NAV3: variants seen among roughly 807,000 people sequenced by gnomAD.
NAV3 encodes the protein neuron navigator 3.
A neutral mutation model predicts 244.7 loss-of-function variants in NAV3; 87 were observed. The observed-to-expected ratio is 0.36, with a 90% CI of 0.30 to 0.42. NAV3 has a LOEUF of 0.42. NAV3 is among the 20% of genes least tolerant of loss of function. The pLI, the probability that NAV3 is intolerant of heterozygous loss-of-function variation, is 1.00. For synonymous variants in NAV3, 1,126 were observed against 1,042.2 expected (o/e 1.08, Z -1.55); for missense variants, 2,663 against 2,893.3 (o/e 0.92, Z 1.83).
At chr12:77,873,517 T>C (rs1018713257) in intron 1 of NAV3, among the ~76,000 whole-genome samples, 4 of 151,478 alleles carry the variant, frequency 2.6e-5, no homozygotes, top group Admixed American at 6.6e-5. Context: ...TTTTAATACA[T>C]TTCTAATATT....
At chr12:77,671,549 C>T (rs1873974490) in intron 2 of NAV3, among the ~76,000 whole-genome samples, 1 of 152,118 alleles carries the variant, frequency 6.6e-6, no homozygotes, top group Admixed American at 6.6e-5. Context: ...CAGCATGATA[C>T]TGGTATAAAA....
intron 31 of NAV3, among the ~76,000 whole-genome samples, chr12:78,188,014 T>G (rs1958804061): frequency 6.6e-6 from 1 of 151,926 alleles, no homozygotes; most frequent in Non-Finnish European, 1.5e-5. Context: ...ATCTCATCTC[T>G]TTCTTTCTTG....
chr12:77,755,057 T>A (rs1284662657), intron 2 of NAV3, among the ~76,000 whole-genome samples: 1 of 152,158 alleles, frequency 6.6e-6, no homozygotes, highest in Non-Finnish European at 1.5e-5. Context: ...ACCTGAATAA[T>A]TTAATTTTCC....
chr12:78,002,901 G>A (rs904804000), intron 7 of NAV3, among the ~76,000 whole-genome samples: 2 of 151,762 alleles, frequency 1.3e-5, no homozygotes, highest in Non-Finnish European at 2.9e-5. Context: ...TTGGCCATAT[G>A]TGTTGTTGGT....
At chr12:78,013,764 A>G (rs946730542) in intron 8 of NAV3, among the ~76,000 whole-genome samples, 3 of 152,124 alleles carry the variant, frequency 2.0e-5, no homozygotes, top group African/African-American at 7.2e-5. Context: ...ACCAGGTTAA[A>G]TGTATAGATG....
chr12:78,206,120 C>A (rs1400279631), intron 39 of NAV3, among the ~76,000 whole-genome samples: 1 of 152,060 alleles, frequency 6.6e-6, no homozygotes, highest in Admixed American at 6.6e-5. Flanking sequence ...TGCATACACA[C>A]TGAAAATTTG....
At chr12:77,944,625 A>T (rs531753522) in intron 3 of NAV3, among the ~76,000 whole-genome samples, 1 of 152,190 alleles carries the variant, frequency 6.6e-6, no homozygotes, top group Non-Finnish European at 1.5e-5. Context: ...GTTAGAATAT[A>T]CTGAAAAAAT....
At chr12:77,752,049 T>C (rs191627487) in intron 2 of NAV3, among the ~76,000 whole-genome samples, 19 of 152,338 alleles carry the variant, frequency 1.2e-4, no homozygotes, top group Admixed American at 6.5e-4. Context: ...GTCAGCTTCC[T>C]ATGTAATTTT....
chr12:78,177,563 C>T, intron 27 of NAV3, 57 bp from the exon 28 acceptor site: 1 of 1,487,046 alleles, frequency 6.7e-7, no homozygotes. Context: ...AATCATGATT[C>T]TCACTTCTTT....
chr12:78,143,065 A>G (rs1420399706), intron 20 of NAV3, among the ~76,000 whole-genome samples: 1 of 152,140 alleles, frequency 6.6e-6, no homozygotes, highest in East Asian at 1.9e-4. Flanking sequence ...CTATCACATG[A>G]AAAAGCAACT....
chr12:77,752,314 A>G (rs772803808), intron 2 of NAV3, among the ~76,000 whole-genome samples: 17 of 152,106 alleles, frequency 1.1e-4, no homozygotes, highest in Non-Finnish European at 2.4e-4. Context: ...TTTGTTTGAC[A>G]TTTTCTAAAG....
At chr12:78,085,338 G>C (rs751505355) in intron 12 of NAV3, among the ~76,000 whole-genome samples, 4 of 152,126 alleles carry the variant, frequency 2.6e-5, no homozygotes, top group Admixed American at 1.3e-4. Flanking sequence ...TCTTGAGACA[G>C]AGGGGAAGAG....
chr12:78,152,949 A>G (rs994304926), intron 22 of NAV3, among the ~76,000 whole-genome samples: 1 of 152,034 alleles, frequency 6.6e-6, no homozygotes, highest in African/African-American at 2.4e-5. Context: ...ATGAATTTCA[A>G]TGAGTTTGGT....
chr12:77,995,222 G>C (rs1453300606), intron 6 of NAV3, among the ~76,000 whole-genome samples: 1 of 152,144 alleles, frequency 6.6e-6, no homozygotes, highest in Non-Finnish European at 1.5e-5. Context: ...TGCTTTTTGA[G>C]ATGGGCATGC....
intron 2 of NAV3, among the ~76,000 whole-genome samples, chr12:77,771,150 A>T (rs945286496): frequency 6.6e-6 from 1 of 152,156 alleles, no homozygotes; most frequent in African/African-American, 2.4e-5. Flanking sequence ...GCAGCCAAAA[A>T]ACACATGAAA....
chr12:77,804,138 G>A (rs1871850950), intron 2 of NAV3, among the ~76,000 whole-genome samples: 1 of 152,058 alleles, frequency 6.6e-6, no homozygotes, highest in African/African-American at 2.4e-5. Context: ...GTTTTGCTGT[G>A]CAGAAGCACT....
At chr12:78,163,670 A>C (rs1957660628) in intron 23 of NAV3, among the ~76,000 whole-genome samples, 1 of 152,154 alleles carries the variant, frequency 6.6e-6, no homozygotes, top group Non-Finnish European at 1.5e-5. Flanking sequence ...AAAAGAAGAC[A>C]TGTTATATAA....
intron 1 of NAV3, among the ~76,000 whole-genome samples, chr12:77,928,352 G>C (rs920510924): frequency 6.6e-6 from 1 of 152,032 alleles, no homozygotes; most frequent in African/African-American, 2.4e-5. Context: ...AATGCCGAGG[G>C]GTTCTCACAA....
chr12:77,580,219 A>AACACACAC (rs59671759), intron 2 of NAV3, among the ~76,000 whole-genome samples: 111 of 145,488 alleles, frequency 7.6e-4, no homozygotes, highest in Middle Eastern at 6.9e-3. Context: ...GTAGGGTGGG[A>AACACACAC]ACACACACAC....
Sources: allele counts gnomAD v4.1 joint callset (sites outside exome capture counted in the v4.1 genomes callset), GRCh38; gene constraint gnomAD v4.1.1; transcripts MANE v1.5; gene names NCBI Gene and HGNC (gene_info 2026-07-23, HGNC 2026-07-21).